METTL8: variants seen among roughly 807,000 people sequenced by gnomAD.
METTL8 encodes the protein methyltransferase 8, tRNA N3-cytidine, also known as tRNA N(3)-cytidine methyltransferase METTL8, mitochondrial.
In METTL8, 32 loss-of-function variants were observed where a neutral mutation model predicts 48.7. The observed-to-expected ratio is 0.66, with a 90% CI of 0.50 to 0.88. The LOEUF is 0.88. Ranked by LOEUF, METTL8 falls within the 40% of genes least tolerant of loss-of-function variation. The pLI, the probability that METTL8 is intolerant of heterozygous loss-of-function variation, is 0.00. For missense variants in METTL8, 464 were observed against 474.4 expected, an observed-to-expected ratio of 0.98 and a Z score of 0.20; for synonymous variants, 136 against 157.1, an observed-to-expected ratio of 0.87 and a Z score of 1.01.
intron 3 of METTL8, among the ~76,000 whole-genome samples, chr2:171,356,952 A>ATTTTTTTTTTTTTTTTTTTTT (rs763021449): frequency 1.3e-5 from 1 of 78,488 alleles, no homozygotes; most frequent in Non-Finnish European, 2.4e-5. Flanking sequence ...CAAAGACAAT[A>ATTTTTTTTTTTTTTTTTTTTT]TTTTTTTTTT....
At chr2:171,332,760 C>T (rs1460431365) in intron 5 of METTL8, 1 of 152,158 alleles carries the variant, frequency 6.6e-6, no homozygotes, top group African/African-American at 2.4e-5. Flanking sequence ...ACAACTTCTA[C>T]AGGGGTGTCA....
In METTL8 at chr2:171,375,884, A is replaced by T. The variant is rs77612823; in HGVS notation, c.144-15371T>A. On this transcript the variant is annotated intron_variant, in intron 2 of 9. Coordinates refer to ENST00000375258, the MANE Select transcript of METTL8 (RefSeq NM_001321154.2). ...TCTACAATGCATTCTAGGTTCTTTA[A>T]CCTTCCTTCTTTCCTTTTATTTTGC... Among the ~76,000 whole-genome samples the T allele has an allele frequency of 1.4e-3, 214 of 152,240 alleles. 4 individuals are homozygous for T. The East Asian group carries it at 0.015, about 11-fold the overall frequency.
chr2:171,362,803 T>C (rs762087384), intron 2 of METTL8, among the ~76,000 whole-genome samples: 2 of 152,158 alleles, frequency 1.3e-5, no homozygotes, highest in African/African-American at 4.8e-5. Context: ...CTTTAACATA[T>C]GTGAGCAATC....
chr2:171,350,450 T>C (rs1683781542), intron 3 of METTL8, among the ~76,000 whole-genome samples: 1 of 152,254 alleles, frequency 6.6e-6, no homozygotes, highest in South Asian at 2.1e-4. Flanking sequence ...TATAGCAGCA[T>C]GATTTATAAT....
intron 2 of METTL8, among the ~76,000 whole-genome samples, chr2:171,361,963 G>C (rs1485703276): frequency 1.3e-5 from 2 of 152,132 alleles, no homozygotes; most frequent in African/African-American, 4.8e-5. Context: ...AGAGAAGGTA[G>C]GTTTGGGTTC....
chr2:171,317,274 C>T lies in METTL8; in HGVS notation c.*6898G>A, dbSNP rs934555041. Reference sequence around the variant, plus strand: ...TAACTGAGGAAAAAATTAATTTCTGCGTTTTCTGCAATGAACTAGGAGCAA... The same window carrying T: ...TAACTGAGGAAAAAATTAATTTCTGTGTTTTCTGCAATGAACTAGGAGCAA... On this transcript the variant is annotated 3_prime_UTR_variant, in exon 10 of 10. Transcript: ENST00000375258. 5 of 152,104 alleles carry T rather than the reference C, an allele frequency of 3.3e-5. No homozygotes were observed. Among genetic ancestry groups the T allele is most frequent in the East Asian group, 1.9e-4 (1 of 5,200 alleles). 9.4% of individuals were successfully genotyped at this position (152,104 alleles called of 1,614,324 possible).
chr2:171,345,410 C>T (rs1272231959), intron 3 of METTL8, among the ~76,000 whole-genome samples: 1 of 152,120 alleles, frequency 6.6e-6, no homozygotes, highest in Non-Finnish European at 1.5e-5. Flanking sequence ...ACATCAATTA[C>T]GCAAATACCT....
intron 4 of METTL8, among the ~76,000 whole-genome samples, chr2:171,338,236 T>C (rs1034644730): frequency 6.6e-6 from 1 of 152,208 alleles, no homozygotes; most frequent in Non-Finnish European, 1.5e-5. Flanking sequence ...AAATATTTTG[T>C]AGCCATCAAA....
intron 5 of METTL8, among the ~76,000 whole-genome samples, chr2:171,336,863 C>CTTTTTTTTTTTTTTT (rs71013037): frequency 1.1e-5 from 1 of 88,110 alleles, no homozygotes; most frequent in Non-Finnish European, 2.2e-5. Flanking sequence ...ATCACTTCCT[C>CTTTTTTTTTTTTTTT]TTTTTTTTTT....
At chr2:171,343,034 A>C (rs1442273834) in intron 3 of METTL8, among the ~76,000 whole-genome samples, 1 of 152,202 alleles carries the variant, frequency 6.6e-6, no homozygotes, top group African/African-American at 2.4e-5. Flanking sequence ...TGTGTATAGC[A>C]GTTCTATTTA....
At chr2:171,358,039 AG>A (rs1201498673) in intron 3 of METTL8, among the ~76,000 whole-genome samples, 1 of 152,036 alleles carries the variant, frequency 6.6e-6, no homozygotes, top group Non-Finnish European at 1.5e-5. Flanking sequence ...GAATAGCCAA[AG>A]CAATCCTGAG....
At chr2:171,404,079 ATATATATATATATATATATATG>A (rs1689928013) in intron 1 of METTL8, among the ~76,000 whole-genome samples, 1 of 116,272 alleles carries the variant, frequency 8.6e-6, no homozygotes, top group African/African-American at 3.5e-5. Flanking sequence ...ATATATATAT[ATATATATATATATATATATATG>A]ATAGTTTAAC....
chr2:171,391,732 C>A (rs1688598087), intron 2 of METTL8, among the ~76,000 whole-genome samples: 1 of 152,066 alleles, frequency 6.6e-6, no homozygotes, highest in Admixed American at 6.6e-5. Flanking sequence ...GAGGAGGGCC[C>A]CACCTAGGAA....
chr2:171,322,560 C>A lies in METTL8; in HGVS notation c.*1612G>T, dbSNP rs1684578486. ...GACCATCCTGGCTAACATGGTGAAACCCCGTCTCTACTAAAAATACAAAAA... is the reference window on the plus strand; with the variant it reads ...GACCATCCTGGCTAACATGGTGAAAACCCGTCTCTACTAAAAATACAAAAA... On this transcript the variant is annotated 3_prime_UTR_variant, in exon 10 of 10. Coordinates refer to ENST00000375258, the MANE Select transcript of METTL8 (RefSeq NM_001321154.2). The A allele has an allele frequency of 6.7e-6, 1 of 149,956 alleles. No homozygotes were observed. Among genetic ancestry groups the A allele is most frequent in the Admixed American group, 6.7e-5 (1 of 14,952 alleles). 9.3% of individuals were successfully genotyped at this position (149,956 alleles called of 1,614,324 possible).
rs1353591110 is a variant in METTL8 at position 171,321,185 on chromosome 2, T to C, written c.*2987A>G. 6.6e-6 allele frequency: 1 copy of C among 152,236 alleles called. No individual in the cohort carries two copies. The highest frequency in any genetic ancestry group is 1.5e-5 in the Non-Finnish European group (1 of 68,054). The allele number at this position is 152,236 out of a possible 1,614,324, so 9.4% of individuals were successfully genotyped here. On this transcript the variant is annotated 3_prime_UTR_variant, in exon 10 of 10. Coordinates refer to ENST00000375258, the MANE Select transcript of METTL8 (RefSeq NM_001321154.2). ...ACTGCTACCACTGCTATATGATGTG[T>C]TGGCTGTGACTGGACAGCATCCCTC...
At position 171,322,957 on chromosome 2, in the gene METTL8, T is replaced by G. The variant is rs1684606342; in HGVS notation, c.*1215A>C. The G allele has an allele frequency of 6.6e-6, 1 of 152,192 alleles. No individual in the cohort carries two copies. The highest frequency in any genetic ancestry group is 2.4e-5 in the African/African-American group (1 of 41,442). The allele number at this position is 152,192 out of a possible 1,614,324, so 9.4% of individuals were successfully genotyped here. A position where few individuals can be genotyped will look rare whatever the true frequency, so the allele number is the denominator to read the frequency against. ...AACTATCATGGCACTGGTGGGAGTG[T>G]AGCAGTGAGGACAGCCAGAGGACAC... On this transcript the variant is annotated 3_prime_UTR_variant, in exon 10 of 10. Coordinates refer to ENST00000375258, the MANE Select transcript of METTL8 (RefSeq NM_001321154.2).
intron 2 of METTL8, among the ~76,000 whole-genome samples, chr2:171,363,798 A>ATATATATATATATATT (rs1685427142): frequency 7.5e-6 from 1 of 133,732 alleles, no homozygotes; most frequent in African/African-American, 2.8e-5. Context: ...AATTTTATAT[A>ATATATATATATATATT]TATATATATA....
intron 2 of METTL8, among the ~76,000 whole-genome samples, chr2:171,385,728 C>T (rs1687986923): frequency 6.6e-6 from 1 of 152,174 alleles, no homozygotes. Context: ...CCCTAAGGGT[C>T]CTCTTGGCTG....
At chr2:171,352,295 A>C (rs1684023461) in intron 3 of METTL8, among the ~76,000 whole-genome samples, 1 of 152,216 alleles carries the variant, frequency 6.6e-6, no homozygotes, top group Admixed American at 6.5e-5. Flanking sequence ...CCAGCCTTGC[A>C]TCCCAGGGAT....
Sources: allele counts gnomAD v4.1 joint callset (sites outside exome capture counted in the v4.1 genomes callset), GRCh38; gene constraint gnomAD v4.1.1; transcripts MANE v1.5; gene names NCBI Gene and HGNC (gene_info 2026-07-23, HGNC 2026-07-21).